PDE1C: variants seen among roughly 807,000 people sequenced by gnomAD.
The protein encoded by PDE1C is phosphodiesterase 1C, also known as dual specificity calcium/calmodulin-dependent 3',5'-cyclic nucleotide phosphodiesterase 1C.
In PDE1C, 62 loss-of-function variants were observed where a neutral mutation model predicts 93.1. The ratio of observed to expected loss-of-function variants is 0.67; its 90% confidence interval spans 0.54 to 0.82. The LOEUF (loss-of-function observed/expected upper bound fraction) is 0.82, where lower values mean the gene tolerates loss of function less well. PDE1C is among the 40% of genes least tolerant of loss of function. PDE1C has a pLI of 0.00. For missense variants in PDE1C, 742 were observed against 884.6 expected, an observed-to-expected ratio of 0.84 and a Z score of 2.04; for synonymous variants, 325 against 310.1, an observed-to-expected ratio of 1.05 and a Z score of -0.50.
intron 15 of PDE1C, among the ~76,000 whole-genome samples, chr7:31,810,624 A>C (rs1787429318): frequency 6.6e-6 from 1 of 152,088 alleles, no homozygotes; most frequent in Non-Finnish European, 1.5e-5. Flanking sequence ...GCAGCCAGTT[A>C]GACAAACACA....
chr7:31,924,109 G>A (rs928831064), intron 2 of PDE1C, among the ~76,000 whole-genome samples: 2 of 152,112 alleles, frequency 1.3e-5, no homozygotes, highest in African/African-American at 4.8e-5. Context: ...CTTCAGTAGA[G>A]GAGGATAAAT....
chr7:32,252,657 G>A (rs58988640), intron 1 of PDE1C, among the ~76,000 whole-genome samples: 1 of 152,088 alleles, frequency 6.6e-6, no homozygotes. Flanking sequence ...GGGTGGGAGA[G>A]AACTAAAAAA....
chr7:32,087,467 G>T (rs1489228345), intron 3 of PDE1C, among the ~76,000 whole-genome samples: 3 of 152,134 alleles, frequency 2.0e-5, no homozygotes. Flanking sequence ...TCTAGAACTA[G>T]AAATACCATT....
chr7:31,658,382 G>C, the PDE1C span: 1 of 1,508,080 alleles, frequency 6.6e-7, no homozygotes, highest in African/African-American at 1.4e-5. Context: ...CAAGACTCTG[G>C]TCTGTTGTAA....
intron 11 of PDE1C, among the ~76,000 whole-genome samples, chr7:31,831,028 G>A (rs1025784978): frequency 1.2e-4 from 19 of 152,300 alleles, no homozygotes; most frequent in African/African-American, 4.3e-4. Flanking sequence ...GAAGTTCACA[G>A]AGAAGATGGC....
At chr7:32,280,042 C>G (rs772573541) in intron 1 of PDE1C, among the ~76,000 whole-genome samples, 1 of 152,118 alleles carries the variant, frequency 6.6e-6, no homozygotes, top group Non-Finnish European at 1.5e-5. Context: ...TGTTCATGTG[C>G]ACACACACCC....
chr7:31,680,460 A>G, the PDE1C span, among the ~76,000 whole-genome samples: 1 of 152,006 alleles, frequency 6.6e-6, no homozygotes, highest in African/African-American at 2.4e-5. Flanking sequence ...TATTCTAGTC[A>G]CTCCCTTGCT....
chr7:31,619,737 G>T, the PDE1C span, among the ~76,000 whole-genome samples: 1 of 152,098 alleles, frequency 6.6e-6, no homozygotes, highest in Admixed American at 6.5e-5. Flanking sequence ...TCTCACTAGG[G>T]AGTGCCAGAC....
At chr7:32,204,296 C>A (rs1371323598) in intron 2 of PDE1C, among the ~76,000 whole-genome samples, 1 of 152,136 alleles carries the variant, frequency 6.6e-6, no homozygotes, top group Non-Finnish European at 1.5e-5. Context: ...ATCTTCAGAC[C>A]GCTATTAGCC....
chr7:32,324,399 C>T (rs948964802), intron 1 of PDE1C, among the ~76,000 whole-genome samples: 4 of 152,168 alleles, frequency 2.6e-5, no homozygotes, highest in African/African-American at 9.7e-5. Flanking sequence ...GTCGGAGGAC[C>T]CCACTTACCC....
At chr7:32,220,392 A>G (rs12533732) in intron 1 of PDE1C, among the ~76,000 whole-genome samples, 18,623 of 152,250 alleles carry the variant, frequency 0.12, 1,232 homozygotes, top group East Asian at 0.23. Context: ...AGGAAGGTGA[A>G]ATTTAGGAAA....
intron 6 of PDE1C, among the ~76,000 whole-genome samples, chr7:31,865,724 GT>G (rs1795210885): frequency 6.6e-6 from 1 of 152,070 alleles, no homozygotes; most frequent in South Asian, 2.1e-4. Flanking sequence ...TTGGTTTTGA[GT>G]TTTGTTTTTG....
intron 17 of PDE1C, among the ~76,000 whole-genome samples, chr7:31,761,097 A>AC (rs1162202177): frequency 1.0e-3 from 45 of 44,126 alleles, no homozygotes; most frequent in African/African-American, 4.1e-3. Flanking sequence ...CTGGGCATGT[A>AC]TTTTGGCTAA....
chr7:32,285,485 A>G (rs970639027), intron 1 of PDE1C, among the ~76,000 whole-genome samples: 3 of 152,174 alleles, frequency 2.0e-5, no homozygotes, highest in East Asian at 1.9e-4. Context: ...AAACAAATGT[A>G]TATGTTCACA....
chr7:32,164,566 A>C (rs1160837425), intron 3 of PDE1C, among the ~76,000 whole-genome samples: 1 of 152,200 alleles, frequency 6.6e-6, no homozygotes. Context: ...GACTTTGGGC[A>C]AGCTGCTTGA....
chr7:32,198,084 T>C (rs1253743341), intron 2 of PDE1C, among the ~76,000 whole-genome samples: 3 of 152,230 alleles, frequency 2.0e-5, no homozygotes, highest in Non-Finnish European at 4.4e-5. Flanking sequence ...CTATATTCAT[T>C]CTTCTTTCTG....
At chr7:31,749,968 C>A (rs1562734200), downstream of PDE1C, among the ~76,000 whole-genome samples, 1 of 152,018 alleles carries the variant, frequency 6.6e-6, no homozygotes, top group Non-Finnish European at 1.5e-5. Context: ...GAACTCCTGA[C>A]CTCATGATCC....
chr7:32,143,219 A>G (rs1209524468), intron 3 of PDE1C, among the ~76,000 whole-genome samples: 1 of 151,868 alleles, frequency 6.6e-6, no homozygotes, highest in Non-Finnish European at 1.5e-5. Context: ...GTGAGTCTTA[A>G]GTGATGCTTT....
chr7:31,706,236 C>T, the PDE1C span, among the ~76,000 whole-genome samples: 857 of 151,766 alleles, frequency 5.6e-3, 9 homozygotes, highest in African/African-American at 0.019. Flanking sequence ...AACTCCTGAC[C>T]TCAGGCAATC....
Sources: gnomAD v4.1 joint callset for allele counts (sites outside exome capture counted in the v4.1 genomes callset) on GRCh38, gnomAD v4.1.1 for gene constraint, MANE v1.5 for transcripts, NCBI Gene and HGNC (gene_info 2026-07-23, HGNC 2026-07-21) for gene names.